The following MICAL3 variants were observed in gnomAD, a reference collection of about 807,000 sequenced individuals.
The protein encoded by MICAL3 is microtubule associated monooxygenase, calponin and LIM domain containing 3.
In MICAL3, 62 loss-of-function variants were observed where a neutral mutation model predicts 207.4. That is an observed-to-expected ratio of 0.30 (90% CI 0.24 to 0.37). The LOEUF is 0.37. Ranked by LOEUF, MICAL3 falls within the 10% of genes least tolerant of loss-of-function variation. The pLI is 1.00. For missense variants in MICAL3, 2,368 were observed against 2,635.6 expected (o/e 0.90, Z 2.22); for synonymous variants, 1,077 against 1,069.3 (o/e 1.01, Z -0.14).
chr22:17,947,636 T>C (rs141566429), intron 1 of MICAL3, among the ~76,000 whole-genome samples: 3 of 152,334 alleles, frequency 2.0e-5, no homozygotes, highest in African/African-American at 7.2e-5. Context: ...TAGCTCACTG[T>C]TAACCTCCAA....
chr22:17,876,748 GGGAGGTTAAGGAGGTTAGGGAAGTTAT>G (rs1928425719), intron 16 of MICAL3: 7 of 147,304 alleles, frequency 4.8e-5, no homozygotes, highest in Non-Finnish European at 9.0e-5. Flanking sequence ...ATGGAGGTTA[GGGAGGTTAAGGAGGTTAGGGAAGTTAT>G]GGAGGTTAGG....
rs773577789 is a variant in MICAL3, at chr22:17,790,889, G to A, written c.5852C>T (p.Ser1951Leu). 36 of 1,613,688 alleles carry A rather than the reference G, an allele frequency of 2.2e-5. No homozygotes were observed. Among genetic ancestry groups the A allele is most frequent in the Non-Finnish European group, 2.6e-5 (31 of 1,179,908 alleles). ...EDHLKTEEEL[S>L]EEKQILNEML... ...CTCATTGAGAATCTGCTTCTCTTCT[G>A]ACAGCTCCTCCTCAGTCTTAAGGTG... Residue 1951 changes from serine (S) to leucine (L), a missense_variant, in exon 32 of 32, where the codon TCA becomes TTA. By Grantham distance (145) the Ser-to-Leu change is moderately radical. Coordinates refer to ENST00000441493, the MANE Select transcript of MICAL3 (RefSeq NM_015241.3).
At chr22:17,925,106 G>A (rs1405025554) in intron 1 of MICAL3, among the ~76,000 whole-genome samples, 2 of 152,136 alleles carry the variant, frequency 1.3e-5, no homozygotes, top group African/African-American at 4.8e-5. Flanking sequence ...AACCAAAATG[G>A]GCTTGGCTCA....
Position 17,791,013 on chromosome 22 carries a change from G to A in MICAL3, c.5809C>T (p.Arg1937Cys), listed in dbSNP as rs750024970. 6.8e-6 allele frequency: 11 copies of A among 1,612,402 alleles called. No individual in the cohort carries two copies. In the South Asian group the frequency reaches 8.8e-5, roughly 13 times the overall value. The part of the protein sequence containing the change: ...QSRLQQELRE[R>C]MAVEDHLKTE... ...CCCCACTCACCTTCCACTGCCATGC[G>A]TTCCCGGAGCTCCTGCTGCAGTCGA... The change falls in exon 31 of 32, where the codon CGC becomes TGC. Residue 1937 changes from arginine to cysteine, a missense_variant. Arg to Cys is a radical substitution (Grantham distance 180). Around this residue, in one of 4 missense-constraint regions of MICAL3, gnomAD observed 1,770 missense variants for 1,863.2 expected, o/e 0.95. Transcript: ENST00000441493.
intron 1 of MICAL3, among the ~76,000 whole-genome samples, chr22:17,928,308 G>A (rs5747421): frequency 0.36 from 55,222 of 151,784 alleles, 10,673 homozygotes; most frequent in South Asian, 0.5. Context: ...GCGTGGTGGC[G>A]GGCATCTGTA....
rs1931736818 is a variant in MICAL3 at position 17,906,553 on chromosome 22, G to C, written c.260C>G (p.Thr87Ser). 1.2e-6 allele frequency: 2 copies of C among 1,611,648 alleles called. No individual in the cohort carries two copies. The highest frequency in any genetic ancestry group is 1.3e-5 in the African/African-American group (1 of 74,890). Residue 87 changes from threonine (T) to serine (S), a missense_variant, in exon 2 of 32, where the codon ACC (threonine) becomes AGC (serine). This residue lies in a region of MICAL3 where 400 missense variants were observed against 547.0 expected (regional missense o/e 0.73). Transcript: ENST00000441493. ...DYKKGKACTN[T>S]KCLIIGAGPC... ...CCCAACAGGAGCAAAGCTTACCTTG[G>C]TGTTAGTGCACGCTTTTCCCTTTTT...
Position 17,900,753 on chromosome 22 carries a change from C to T in MICAL3, c.847+89G>A, listed in dbSNP as rs766490712. Reference sequence around the variant, plus strand: ...GCAGACAGTGCAGGAGGGACACCGACGGCCACTCACCCCACCAATCCCCCA... The same window carrying T: ...GCAGACAGTGCAGGAGGGACACCGATGGCCACTCACCCCACCAATCCCCCA... On this transcript the variant is annotated intron_variant, in intron 6 of 31. Coordinates refer to ENST00000441493, the MANE Select transcript of MICAL3 (RefSeq NM_015241.3). The surrounding 1 kb of genome is among the most constrained non-coding windows in gnomAD (Gnocchi z 4.0). The T allele has an allele frequency of 7.7e-6, 9 of 1,166,016 alleles. No individual in the cohort carries two copies. Among genetic ancestry groups the T allele is most frequent in the East Asian group, 2.4e-5 (1 of 41,842 alleles). The allele number at this position is 1,166,016 out of a possible 1,614,324, so 72.2% of individuals were successfully genotyped here. A position where few individuals can be genotyped will look rare whatever the true frequency, so the allele number is the denominator to read the frequency against.
chr22:17,861,185 G>T lies in MICAL3; in HGVS notation c.2605+3714C>A, dbSNP rs984805166. ...TCCCTCTGTCAGGTGGGAACCCTAGGGTTGAATGAAATTCTACTGCCTGGC... is the reference window on the plus strand; with the variant it reads ...TCCCTCTGTCAGGTGGGAACCCTAGTGTTGAATGAAATTCTACTGCCTGGC... On this transcript the variant is annotated intron_variant, in intron 19 of 31. Coordinates refer to ENST00000441493, the MANE Select transcript of MICAL3 (RefSeq NM_015241.3). 4.3e-5 allele frequency: 42 copies of T among 985,242 alleles called. No individual in the cohort carries two copies. In the African/African-American group the frequency reaches 7.3e-4, roughly 17 times the overall value. The allele number at this position is 985,242 out of a possible 1,614,324, so 61.0% of individuals were successfully genotyped here.
At chr22:18,018,138 T>A (rs944540320) in intron 1 of MICAL3, among the ~76,000 whole-genome samples, 3 of 152,014 alleles carry the variant, frequency 2.0e-5, no homozygotes, top group African/African-American at 4.8e-5. Context: ...CCTCCCAAAT[T>A]GCTGGGATTA....
intron 27 of MICAL3, among the ~76,000 whole-genome samples, chr22:17,812,311 G>A (rs75480121): frequency 0.011 from 1,651 of 152,344 alleles, 26 homozygotes; most frequent in African/African-American, 0.037. Context: ...CACTCCAGCC[G>A]GTGAGGAGCA....
intron 19 of MICAL3, chr22:17,864,320 T>C (rs897112814): frequency 1.1e-5 from 13 of 1,171,950 alleles, no homozygotes; most frequent in Middle Eastern, 3.6e-4. Context: ...GGACAGGGCA[T>C]GTCCCATCAC....
chr22:17,891,465 A>C lies in MICAL3; in HGVS notation c.1694+20T>G. On this transcript the variant is annotated intron_variant, in intron 12 of 31. Transcript: ENST00000441493. ...ATCCTTGAGGAGTATAAAAAAACAC[A>C]AAGTTTGATCACAACTTACATCAGG... is the stretch of plus-strand genomic sequence containing the variant. 6.2e-7 allele frequency: 1 copy of C among 1,612,880 alleles called. No individual in the cohort carries two copies.
At chr22:17,813,280 A>T (rs1046701388) in intron 27 of MICAL3, 5 of 152,236 alleles carry the variant, frequency 3.3e-5, no homozygotes, top group African/African-American at 1.2e-4. Flanking sequence ...CAGCCATATT[A>T]AACGGCTGAA....
At chr22:18,016,716 G>A (rs560322920) in intron 1 of MICAL3, among the ~76,000 whole-genome samples, 85 of 152,200 alleles carry the variant, frequency 5.6e-4, no homozygotes, top group African/African-American at 1.9e-3. Flanking sequence ...CGAGGCAGGC[G>A]GATCACGAGG....
chr22:17,832,198 T>A, intron 20 of MICAL3, 91 bp from the exon 21 acceptor site: 1 of 1,460,838 alleles, frequency 6.8e-7, no homozygotes, highest in Non-Finnish European at 9.2e-7. Context: ...ACAATGCATG[T>A]CAGGCAAAGC....
At chr22:17,858,117 C>T (rs914662581) in intron 19 of MICAL3, among the ~76,000 whole-genome samples, 3 of 152,240 alleles carry the variant, frequency 2.0e-5, no homozygotes, top group African/African-American at 7.2e-5. Flanking sequence ...GTCCCATCCA[C>T]CTGGAGGCCC....
chr22:17,960,696 G>C (rs994151958), intron 1 of MICAL3, among the ~76,000 whole-genome samples: 1 of 152,122 alleles, frequency 6.6e-6, no homozygotes, highest in African/African-American at 2.4e-5. Context: ...TGAGAGGGTG[G>C]GGGGAAGGAG....
intron 20 of MICAL3, among the ~76,000 whole-genome samples, chr22:17,839,039 G>A (rs547796104): frequency 8.0e-5 from 11 of 137,818 alleles, no homozygotes; most frequent in Non-Finnish European, 1.4e-4. Flanking sequence ...CTGGCTCACT[G>A]TAACTTCTGC....
chr22:17,846,038 C>T (rs1285573453), intron 19 of MICAL3, among the ~76,000 whole-genome samples: 1 of 152,222 alleles, frequency 6.6e-6, no homozygotes, highest in Non-Finnish European at 1.5e-5. Flanking sequence ...GGCTTGGCTA[C>T]AACCAACAAA....
Sources: allele counts gnomAD v4.1 joint callset (sites outside exome capture counted in the v4.1 genomes callset), GRCh38; gene constraint gnomAD v4.1.1; regional missense constraint gnomAD v4.1.1; non-coding constraint Gnocchi (gnomAD v3.1); transcripts MANE v1.5; gene names NCBI Gene and HGNC (gene_info 2026-07-23, HGNC 2026-07-21).